The following EXOSC9 variants were observed in gnomAD, a reference collection of about 807,000 sequenced individuals.
EXOSC9 encodes the protein exosome component 9.
A neutral mutation model predicts 56.5 loss-of-function variants in EXOSC9; 38 were observed. The ratio of observed to expected loss-of-function variants is 0.67; its 90% confidence interval spans 0.52 to 0.88. EXOSC9 has a LOEUF of 0.88. Ranked by LOEUF, EXOSC9 falls within the 40% of genes least tolerant of loss-of-function variation. The pLI, the probability that EXOSC9 is intolerant of heterozygous loss-of-function variation, is 0.00. For missense variants in EXOSC9, 559 were observed against 530.5 expected, an observed-to-expected ratio of 1.05 and a Z score of -0.53; for synonymous variants, 170 against 170.8, an observed-to-expected ratio of 0.99 and a Z score of 0.04.
In EXOSC9 at chr4:121,813,235, AAAG is replaced by A; in HGVS notation, c.833_835del (p.Glu278del). On this transcript the variant is annotated inframe_deletion and splice_region_variant, in exon 9 of 12. Transcript: ENST00000243498. ...CACCAAAAAAACCCCCACATACAGG[AAAG>A]AAGGTGGAAAGTTTGGTTTTGCAGA... 6.2e-7 allele frequency: 1 copy of A among 1,608,270 alleles called. No homozygotes were observed. Among genetic ancestry groups the A allele is most frequent in the Non-Finnish European group, 8.5e-7 (1 of 1,176,890 alleles).
Position 121,813,290 on chromosome 4 carries a change from C to T in EXOSC9, c.884C>T (p.Ala295Val). 6.2e-7 allele frequency: 1 copy of T among 1,613,680 alleles called. No individual in the cohort carries two copies. The highest frequency in any genetic ancestry group is 8.5e-7 in the Non-Finnish European group (1 of 1,179,668). The change falls in exon 9 of 12, where the codon GCA becomes GTA. Residue 295 changes from alanine (A) to valine (V), a missense_variant. Transcript: ENST00000243498. Reference protein sequence around the residue: ...AESIANQRITAFKMEKAPIDT... With the variant: ...AESIANQRITVFKMEKAPIDT... ...TCTATAGCAAATCAAAGGATCACAG[C>T]ATTTAAAATGGAAAAGGCCCCTATT...
At chr4:121,810,551 G>A (rs927187805) in intron 7 of EXOSC9, among the ~76,000 whole-genome samples, 1 of 151,952 alleles carries the variant, frequency 6.6e-6, no homozygotes, top group Non-Finnish European at 1.5e-5. Flanking sequence ...GGTGGCTGGC[G>A]CACGCCTGTA....
chr4:121,802,692 C>A lies in EXOSC9; in HGVS notation c.180C>A (p.Ser60=). 6.2e-7 allele frequency: 1 copy of A among 1,614,046 alleles called. No homozygotes were observed. Among genetic ancestry groups the A allele is most frequent in the Non-Finnish European group, 8.5e-7 (1 of 1,179,976 alleles). The part of the protein sequence containing the change: ...LGKTRVLGQV[S]CELVSPKLNR... ...TTTGCAGAGTTCTTGGACAGGTTTC[C>A]TGTGAACTTGTGTCTCCAAAACTCA... is the stretch of plus-strand genomic sequence containing the variant. Residue 60 remains serine (S), a synonymous_variant, in exon 3 of 12, where the codon TCC becomes TCA. Transcript: ENST00000243498.
chr4:121,812,993 A>C lies in EXOSC9; in HGVS notation c.828-241A>C, dbSNP rs546422105. Among the ~76,000 whole-genome samples the C allele has an allele frequency of 6.7e-4, 102 of 152,256 alleles. 1 individual carries two copies. The highest frequency in any genetic ancestry group is 1.0e-4 in the Non-Finnish European group (7 of 68,010). ...CTGGTAGGGCTGATTTGAGGGTTAG[A>C]GAATAGTATATTTTAAGCACCTAGC... On this transcript the variant is annotated intron_variant, in intron 8 of 11. Coordinates refer to ENST00000243498, the MANE Select transcript of EXOSC9 (RefSeq NM_005033.3).
chr4:121,808,710 C>G lies in EXOSC9; in HGVS notation c.605+1088C>G, dbSNP rs899403978. On this transcript the variant is annotated intron_variant, in intron 6 of 11. Transcript: ENST00000243498. ...TTTTTTTTTTTAAGACAAGGTCTCC[C>G]TCTGTCACCCAGGCTTGAGTGCAGT... 8.0e-5 allele frequency among the ~76,000 whole-genome samples: 12 copies of G among 150,910 alleles called. No individual in the cohort carries two copies. The East Asian group carries it at 1.6e-3, about 20-fold the overall frequency.
chr4:121,803,372 C>G lies in EXOSC9; in HGVS notation c.384+355C>G, dbSNP rs112723182. 6.9e-3 allele frequency among the ~76,000 whole-genome samples: 1,056 copies of G among 152,052 alleles called. 9 individuals are homozygous for G. Among genetic ancestry groups the G allele is most frequent in the African/African-American group, 0.025 (1,016 of 41,464 alleles). On this transcript the variant is annotated intron_variant, in intron 4 of 11. Transcript: ENST00000243498. ...CATTTTCTACATGAGTTCATAGAAG[C>G]AGGTAGTTTTCCTTTTTCATGCAGA...
rs143828464 is a variant in EXOSC9, at chr4:121,807,507, A to G, written c.523-33A>G. On this transcript the variant is annotated intron_variant, in intron 5 of 11. Coordinates refer to ENST00000243498, the MANE Select transcript of EXOSC9 (RefSeq NM_005033.3). ...TTTTTTGGATGTTCATAACTTAGTG[A>G]CTATAATTATTAAACATTTTCTTTT... 3.3e-5 allele frequency: 44 copies of G among 1,329,118 alleles called. No individual in the cohort carries two copies. In the African/African-American group the frequency reaches 5.0e-4, roughly 15 times the overall value. The allele number at this position is 1,329,118 out of a possible 1,614,324, so 82.3% of individuals were successfully genotyped here.
chr4:121,803,966 A>G (rs2149034422), intron 4 of EXOSC9, among the ~76,000 whole-genome samples: 1 of 152,272 alleles, frequency 6.6e-6, no homozygotes, highest in South Asian at 2.1e-4. Flanking sequence ...AAATATCACA[A>G]AACCTAAAAG....
At chr4:121,801,581 C>T (rs894313306) in intron 1 of EXOSC9, 91 bp downstream of exon 1, 1 of 1,241,182 alleles carries the variant, frequency 8.1e-7, no homozygotes, top group Non-Finnish European at 1.2e-6. Context: ...GCCCGGGGAG[C>T]TACTAGGGGA....
At chr4:121,802,875 T>C (rs1726910757) in intron 3 of EXOSC9, 40 bp from the exon 4 acceptor site, 12 of 1,610,160 alleles carry the variant, frequency 7.5e-6, no homozygotes, top group East Asian at 2.2e-5. Flanking sequence ...CCTGGTGTTA[T>C]ATTTCATGAC....
rs1337621531 is a variant in EXOSC9 at position 121,816,879 on chromosome 4, T to A, written c.*23T>A. On this transcript the variant is annotated 3_prime_UTR_variant, in exon 12 of 12. Transcript: ENST00000243498. ...TAAAGCTAACAGTTGTATATCTGTATATATAACTATTAAAAGGGATATTTA... is the reference window on the plus strand; with the variant it reads ...TAAAGCTAACAGTTGTATATCTGTAAATATAACTATTAAAAGGGATATTTA... 2.0e-6 allele frequency: 3 copies of A among 1,518,286 alleles called. No individual in the cohort carries two copies. The African/African-American group carries it at 4.3e-5, about 22-fold the overall frequency. 94.1% of individuals were successfully genotyped at this position (1,518,286 alleles called of 1,614,324 possible). A position where few individuals can be genotyped will look rare whatever the true frequency, so the allele number is the denominator to read the frequency against.
In EXOSC9 at chr4:121,802,635, A is replaced by C. The variant is rs778671168; in HGVS notation, c.162-39A>C. The C allele has an allele frequency of 8.2e-6, 13 of 1,591,478 alleles. No individual in the cohort carries two copies. The East Asian group carries it at 2.5e-4, about 30-fold the overall frequency. On this transcript the variant is annotated intron_variant, in intron 2 of 11. Coordinates refer to ENST00000243498, the MANE Select transcript of EXOSC9 (RefSeq NM_005033.3). ...TTTCAGTTTTTTGTTTTGGAAGGAG[A>C]GTCTATTTGGTTAATACTTTGTAAC...
At chr4:121,813,443 G>A (rs1724331275) in intron 9 of EXOSC9, 63 bp downstream of exon 9, 1 of 1,423,754 alleles carries the variant, frequency 7.0e-7, no homozygotes, top group African/African-American at 1.4e-5. Flanking sequence ...ATAATATTAG[G>A]CTATATGAAG....
chr4:121,813,971 CG>C lies in EXOSC9; in HGVS notation c.1082del (p.Gly361ValfsTer11). ...EDSEKEDDEG[G>X]GDQAIILDGI... The stretch of plus-strand genomic sequence containing the variant: ...ACTCTGAGAAGGAAGATGATGAAGG[CG>C]GTGGTGATCAAGCTATCATTCTTGA... On this transcript the variant is annotated frameshift_variant, in exon 10 of 12. Coordinates refer to ENST00000243498, the MANE Select transcript of EXOSC9 (RefSeq NM_005033.3). LOFTEE classifies it high-confidence loss of function. 6.2e-7 allele frequency: 1 copy of C among 1,613,304 alleles called. No homozygotes were observed. The highest frequency in any genetic ancestry group is 8.5e-7 in the Non-Finnish European group (1 of 1,179,482).
At chr4:121,809,273 C>T (rs939552253) in intron 6 of EXOSC9, among the ~76,000 whole-genome samples, 1 of 152,092 alleles carries the variant, frequency 6.6e-6, no homozygotes, top group Non-Finnish European at 1.5e-5. Context: ...AAGCATGAGC[C>T]ACCATGCCTG....
Position 121,816,794 on chromosome 4 carries a change from CAA to C in EXOSC9, c.1259_1260del (p.Gln420ArgfsTer6), listed in dbSNP as rs1349519985. 1 of 1,599,160 alleles carries C rather than the reference CAA, an allele frequency of 6.3e-7. No individual in the cohort carries two copies. The highest frequency in any genetic ancestry group is 1.7e-4 in the Middle Eastern group (1 of 6,038). ...KIRTQTTSAK[Q>X]EKAPSKKPVK... ...CAGAACACAGACCACCAGTGCAAAACAAGAAAAAGCACCAAGTAAAAAGCCAG... is the reference window on the plus strand; with the variant it reads ...CAGAACACAGACCACCAGTGCAAAACGAAAAAGCACCAAGTAAAAAGCCAG... On this transcript the variant is annotated frameshift_variant, in exon 12 of 12. Coordinates refer to ENST00000243498, the MANE Select transcript of EXOSC9 (RefSeq NM_005033.3). LOFTEE classifies it high-confidence loss of function.
At position 121,813,936 on chromosome 4, in the gene EXOSC9, G is replaced by T. The variant is rs777127703; in HGVS notation, c.1045G>T (p.Asp349Tyr). The T allele has an allele frequency of 3.7e-6, 6 of 1,613,374 alleles. No individual in the cohort carries two copies. Among genetic ancestry groups the T allele is most frequent in the Admixed American group, 1.7e-5 (1 of 59,984 alleles). ...AGAGGGAGTAGAAAACTCCTGGGGTGATCTTGAAGACTCTGAGAAGGAAGA... is the reference window on the plus strand; with the variant it reads ...AGAGGGAGTAGAAAACTCCTGGGGTTATCTTGAAGACTCTGAGAAGGAAGA... Reference protein sequence around the residue: ...IGEGVENSWGDLEDSEKEDDE... With the variant: ...IGEGVENSWGYLEDSEKEDDE... The change falls in exon 10 of 12, where the codon GAT (aspartate) becomes TAT (tyrosine). Residue 349 changes from aspartate (D) to tyrosine (Y), a missense_variant. By Grantham distance (160) the Asp-to-Tyr change is radical (BLOSUM62 -3). Transcript: ENST00000243498.
intron 10 of EXOSC9, 125 bp from the exon 11 acceptor site, chr4:121,816,244 C>A: frequency 1.6e-6 from 1 of 639,580 alleles, no homozygotes; most frequent in South Asian, 2.4e-5. Context: ...AAAGTGTGAG[C>A]CACCACGCCC....
rs368651361 is a variant in EXOSC9 at position 121,802,640 on chromosome 4, A to G, written c.162-34A>G. 2.3e-3 allele frequency: 3,637 copies of G among 1,601,908 alleles called. 91 individuals are homozygous for G. In the South Asian group the frequency reaches 0.039, roughly 17 times the overall value. On this transcript the variant is annotated intron_variant, in intron 2 of 11. Transcript: ENST00000243498. ...GTTTTTTGTTTTGGAAGGAGAGTCT[A>G]TTTGGTTAATACTTTGTAACTTTAT... is the stretch of plus-strand genomic sequence containing the variant.
Sources: allele counts gnomAD v4.1 joint callset (sites outside exome capture counted in the v4.1 genomes callset), GRCh38; gene constraint gnomAD v4.1.1; transcripts MANE v1.5; gene names NCBI Gene and HGNC (gene_info 2026-07-23, HGNC 2026-07-21).